Variants in GLIS3 observed in about 807,000 individuals in gnomAD.
The protein encoded by GLIS3 is GLIS family zinc finger 3.
In GLIS3, 53 loss-of-function variants were observed where a neutral mutation model predicts 78.6. The observed-to-expected ratio is 0.67, with a 90% CI of 0.54 to 0.85. The LOEUF (loss-of-function observed/expected upper bound fraction) is 0.85, where lower values mean the gene tolerates loss of function less well. GLIS3 is among the 40% of genes least tolerant of loss of function. The pLI, the probability that GLIS3 is intolerant of heterozygous loss-of-function variation, is 0.00. For missense variants in GLIS3, 1,703 were observed against 1,231.1 expected, an observed-to-expected ratio of 1.38 and a Z score of -5.74; for synonymous variants, 684 against 509.9, an observed-to-expected ratio of 1.34 and a Z score of -4.60.
At chr9:3,856,952 G>C (rs907172092) in intron 8 of GLIS3, among the ~76,000 whole-genome samples, 7 of 152,160 alleles carry the variant, frequency 4.6e-5, no homozygotes, top group African/African-American at 1.7e-4. Flanking sequence ...ATTGTACATT[G>C]ATCTTCCAAT....
chr9:4,217,862 T>C (rs1249546888), intron 2 of GLIS3, among the ~76,000 whole-genome samples: 1 of 152,226 alleles, frequency 6.6e-6, no homozygotes, highest in Non-Finnish European at 1.5e-5. Context: ...TGAAATAGTA[T>C]TTAATAAAAC....
At position 4,101,433 on chromosome 9, in the gene GLIS3, T is replaced by G. The variant is rs185544141; in HGVS notation, c.1710+16335A>C. Among the ~76,000 whole-genome samples, 57 of 152,302 alleles carry G rather than the reference T, an allele frequency of 3.7e-4. 1 individual carries two copies. In the East Asian group the frequency reaches 0.011, roughly 28 times the overall value. ...GTTCTTTCATGAGCATAGTGGGATA[T>G]TTATTATTCTGTATAAACCATATAA... On this transcript the variant is annotated intron_variant, in intron 4 of 10. Coordinates refer to ENST00000381971, the MANE Select transcript of GLIS3 (RefSeq NM_001042413.2).
the GLIS3 span, among the ~76,000 whole-genome samples, chr9:4,490,139 T>G: frequency 6.6e-6 from 1 of 152,138 alleles, no homozygotes; most frequent in South Asian, 2.1e-4. Flanking sequence ...CAGGATGAAG[T>G]CCGCGCCCAG....
At chr9:4,278,610 G>C (rs568805955) in intron 2 of GLIS3, among the ~76,000 whole-genome samples, 2 of 152,116 alleles carry the variant, frequency 1.3e-5, no homozygotes, top group African/African-American at 4.8e-5. Flanking sequence ...CTCTCTAGAA[G>C]AATACCAGCT....
At chr9:4,459,162 T>C in the GLIS3 span, among the ~76,000 whole-genome samples, 1 of 152,156 alleles carries the variant, frequency 6.6e-6, no homozygotes, top group Admixed American at 6.5e-5. Context: ...CATTGAATAA[T>C]CCTTGTAAGA....
intron 9 of GLIS3, among the ~76,000 whole-genome samples, chr9:3,836,589 C>T (rs1194748067): frequency 6.6e-6 from 1 of 152,160 alleles, no homozygotes; most frequent in Non-Finnish European, 1.5e-5. Flanking sequence ...CCTTGGCCTA[C>T]CACCTTTGAA....
At chr9:3,887,532 G>C (rs1822163019) in intron 7 of GLIS3, among the ~76,000 whole-genome samples, 1 of 152,188 alleles carries the variant, frequency 6.6e-6, no homozygotes, top group Non-Finnish European at 1.5e-5. Flanking sequence ...TGAATATTCA[G>C]GTTCTCTTAC....
intron 2 of GLIS3, among the ~76,000 whole-genome samples, chr9:4,315,944 T>G (rs551243747): frequency 6.6e-6 from 1 of 152,306 alleles, no homozygotes; most frequent in East Asian, 1.9e-4. Flanking sequence ...CACCAAGTTG[T>G]TCACAAAACT....
At chr9:4,139,243 C>A (rs1392212562) in intron 2 of GLIS3, among the ~76,000 whole-genome samples, 2 of 152,184 alleles carry the variant, frequency 1.3e-5, no homozygotes, top group African/African-American at 4.8e-5. Flanking sequence ...TGAGAAATGG[C>A]AAAGCTGCCT....
intron 2 of GLIS3, among the ~76,000 whole-genome samples, chr9:4,185,008 T>C (rs536740082): frequency 6.6e-6 from 1 of 152,348 alleles, no homozygotes; most frequent in Admixed American, 6.5e-5. Flanking sequence ...CTTTGATTAT[T>C]AGTAAACTTA....
intron 2 of GLIS3, among the ~76,000 whole-genome samples, chr9:4,185,187 C>A (rs573365759): frequency 3.3e-5 from 5 of 152,200 alleles, no homozygotes; most frequent in Admixed American, 1.3e-4. Flanking sequence ...TTTGTACCAA[C>A]GCAAAATGCA....
At chr9:4,482,013 T>A in the GLIS3 span, among the ~76,000 whole-genome samples, 1 of 152,238 alleles carries the variant, frequency 6.6e-6, no homozygotes, top group Non-Finnish European at 1.5e-5. Context: ...TTTAAACTTG[T>A]ATTTAGTTCT....
chr9:4,148,795 A>G (rs1295319186), intron 2 of GLIS3, among the ~76,000 whole-genome samples: 1 of 152,184 alleles, frequency 6.6e-6, no homozygotes, highest in African/African-American at 2.4e-5. Flanking sequence ...AAAATAAAAT[A>G]AACAGAGAAA....
At chr9:4,021,825 G>A (rs112002257) in intron 4 of GLIS3, among the ~76,000 whole-genome samples, 1 of 152,120 alleles carries the variant, frequency 6.6e-6, no homozygotes, top group Admixed American at 6.6e-5. Flanking sequence ...TTCACCAGGG[G>A]AATTCACAAA....
At chr9:4,034,199 G>C (rs773374378) in intron 4 of GLIS3, among the ~76,000 whole-genome samples, 1 of 152,008 alleles carries the variant, frequency 6.6e-6, no homozygotes, top group Non-Finnish European at 1.5e-5. Context: ...TCCAACCTGG[G>C]CAACACAGTA....
At chr9:4,371,439 T>C in the GLIS3 span, among the ~76,000 whole-genome samples, 4 of 152,316 alleles carry the variant, frequency 2.6e-5, no homozygotes, top group African/African-American at 9.6e-5. Flanking sequence ...TGAACTTCTG[T>C]ATGTGGCCTG....
intron 2 of GLIS3, among the ~76,000 whole-genome samples, chr9:4,211,440 C>T (rs535823217): frequency 5.9e-5 from 9 of 152,278 alleles, no homozygotes; most frequent in Non-Finnish European, 1.0e-4. Flanking sequence ...CCATCCTGCA[C>T]GCACCTTTTT....
chr9:4,266,185 T>C (rs1407408972), intron 2 of GLIS3, among the ~76,000 whole-genome samples: 2 of 151,640 alleles, frequency 1.3e-5, no homozygotes, highest in African/African-American at 2.4e-5. Flanking sequence ...CCCAAAGTGC[T>C]GAGATTACAG....
chr9:3,971,378 A>G (rs1056251226), intron 4 of GLIS3, among the ~76,000 whole-genome samples: 1 of 152,228 alleles, frequency 6.6e-6, no homozygotes, highest in Non-Finnish European at 1.5e-5. Context: ...AAAGTAACCC[A>G]GCCTTAAAAG....
Sources: gnomAD v4.1 joint callset for allele counts (sites outside exome capture counted in the v4.1 genomes callset) on GRCh38, gnomAD v4.1.1 for gene constraint, MANE v1.5 for transcripts, NCBI Gene and HGNC (gene_info 2026-07-23, HGNC 2026-07-21) for gene names.